PPP1CB: variants seen among roughly 807,000 people sequenced by gnomAD.
The protein encoded by PPP1CB is serine/threonine-protein phosphatase PP1-beta catalytic subunit.
PPP1CB carries 2 observed loss-of-function variants against 43.7 expected under a neutral mutation model. The ratio of observed to expected loss-of-function variants is 0.05; its 90% confidence interval spans 0.02 to 0.14. The LOEUF is 0.14. Among genes scored for constraint, PPP1CB ranks in the 10% least tolerant of loss-of-function variants. The probability of loss-of-function intolerance (pLI) is 1.00; values close to 1 mark genes in which losing one functional copy is unlikely to be tolerated. For missense variants in PPP1CB, 84 were observed against 398.0 expected, an observed-to-expected ratio of 0.21 and a Z score of 6.71; for synonymous variants, 136 against 135.6, an observed-to-expected ratio of 1.00 and a Z score of -0.02.
chr2:28,793,501 ATAAAAT>A (rs1667429986), intron 6 of PPP1CB, among the ~76,000 whole-genome samples: 4 of 152,316 alleles, frequency 2.6e-5, no homozygotes, highest in South Asian at 4.1e-4. Flanking sequence ...ATTAATTAAA[ATAAAAT>A]TAAATTTAAA....
At position 28,801,608 on chromosome 2, in the gene PPP1CB, G is replaced by A. The variant is rs777463462; in HGVS notation, c.*2305G>A. 6.6e-6 allele frequency: 1 copy of A among 152,020 alleles called. No homozygotes were observed. Among genetic ancestry groups the A allele is most frequent in the Non-Finnish European group, 1.5e-5 (1 of 67,990 alleles). The allele number at this position is 152,020 out of a possible 1,614,324, so 9.4% of individuals were successfully genotyped here. A position where few individuals can be genotyped will look rare whatever the true frequency, so the allele number is the denominator to read the frequency against. On this transcript the variant is annotated 3_prime_UTR_variant, in exon 8 of 8. Transcript: ENST00000395366. ...ATGTGTTCTTTACAAATATTTGCTTGGCAACACGACTTGAAATAAATAAAA... is the reference window on the plus strand; with the variant it reads ...ATGTGTTCTTTACAAATATTTGCTTAGCAACACGACTTGAAATAAATAAAA...
At chr2:28,793,729 C>A (rs1233488876) in intron 6 of PPP1CB, 134 bp from the exon 7 acceptor site, 24 of 887,524 alleles carry the variant, frequency 2.7e-5, no homozygotes, top group Non-Finnish European at 3.9e-5. Flanking sequence ...ATAAAAATCA[C>A]AACTTCCAAA....
intron 7 of PPP1CB, among the ~76,000 whole-genome samples, chr2:28,794,218 G>A (rs1264366419): frequency 2.0e-5 from 3 of 152,142 alleles, no homozygotes; most frequent in Non-Finnish European, 2.9e-5. Flanking sequence ...CCTAAGTTAC[G>A]TCAGTCATTC....
intron 3 of PPP1CB, 147 bp downstream of exon 3, chr2:28,779,186 C>T (rs1447637315): frequency 3.4e-6 from 2 of 589,188 alleles, no homozygotes; most frequent in South Asian, 2.5e-5. Context: ...AACTGGGAAA[C>T]ATGTTACTAA....
At chr2:28,789,972 T>C (rs919861117) in intron 6 of PPP1CB, among the ~76,000 whole-genome samples, 1 of 151,910 alleles carries the variant, frequency 6.6e-6, no homozygotes, top group Non-Finnish European at 1.5e-5. Flanking sequence ...AAAAAGTATT[T>C]TTGAGACCAT....
chr2:28,753,520 A>G (rs1666396535), intron 1 of PPP1CB, among the ~76,000 whole-genome samples: 1 of 152,192 alleles, frequency 6.6e-6, no homozygotes, highest in Non-Finnish European at 1.5e-5. Flanking sequence ...TTCCTTTACT[A>G]TCAAGTTATT....
intron 1 of PPP1CB, among the ~76,000 whole-genome samples, chr2:28,754,419 T>A (rs958961357): frequency 4.6e-5 from 7 of 152,094 alleles, no homozygotes; most frequent in East Asian, 1.9e-4. Flanking sequence ...CAAGTTGACC[T>A]CCTCCTTGCC....
chr2:28,764,614 A>G (rs1666740919), intron 1 of PPP1CB, among the ~76,000 whole-genome samples: 1 of 152,142 alleles, frequency 6.6e-6, no homozygotes, highest in Admixed American at 6.5e-5. Context: ...ATTAATTAGT[A>G]TGTAATCTTG....
At chr2:28,784,920 A>AG (rs1269781614) in intron 5 of PPP1CB, among the ~76,000 whole-genome samples, 1 of 119,352 alleles carries the variant, frequency 8.4e-6, no homozygotes, top group East Asian at 5.0e-4. Context: ...ACTGTCTCAA[A>AG]AAAAAAAAAA....
intron 1 of PPP1CB, among the ~76,000 whole-genome samples, chr2:28,768,287 T>C (rs1666827013): frequency 6.6e-6 from 1 of 152,132 alleles, no homozygotes; most frequent in Non-Finnish European, 1.5e-5. Context: ...AGTGACGGTC[T>C]CACTGGGCTA....
chr2:28,792,333 T>TC (rs1216508051), intron 6 of PPP1CB, among the ~76,000 whole-genome samples: 5 of 147,402 alleles, frequency 3.4e-5, no homozygotes, highest in Non-Finnish European at 4.5e-5. Flanking sequence ...AGAGCAAAAC[T>TC]CCATCTCGAA....
chr2:28,751,739 G>GGC, upstream of PPP1CB: 1 of 274,172 alleles, frequency 3.6e-6, no homozygotes, highest in Non-Finnish European at 7.0e-6. Flanking sequence ...CCGCGCGCCT[G>GGC]CGCGGAGAGC....
chr2:28,751,933 C>T lies in PPP1CB; in HGVS notation c.-192C>T, dbSNP rs1396445755. On this transcript the variant is annotated 5_prime_UTR_variant, in exon 1 of 8. Transcript: ENST00000395366. ...TTATTTATTTATTTTCCGTGGGTGCCTCCGAGTGTGCGCGCGCTCTCGCTA... is the reference window on the plus strand; with the variant it reads ...TTATTTATTTATTTTCCGTGGGTGCTTCCGAGTGTGCGCGCGCTCTCGCTA... 4.5e-5 allele frequency: 29 copies of T among 645,622 alleles called. No individual in the cohort carries two copies. Among genetic ancestry groups the T allele is most frequent in the Middle Eastern group, 6.6e-4 (2 of 3,050 alleles). The allele number at this position is 645,622 out of a possible 1,614,324, so 40.0% of individuals were successfully genotyped here. A position where few individuals can be genotyped will look rare whatever the true frequency, so the allele number is the denominator to read the frequency against.
At chr2:28,799,123 A>G (rs1667555845) in intron 7 of PPP1CB, 76 bp from the exon 8 acceptor site, 3 of 1,049,638 alleles carry the variant, frequency 2.9e-6, no homozygotes, top group Non-Finnish European at 4.2e-6. Flanking sequence ...CCATTTATTG[A>G]AAATCACAAT....
Position 28,760,897 on chromosome 2 carries a change from G to A in PPP1CB, c.52+8721G>A, listed in dbSNP as rs556349298. ...TTGAGCCAAACTAGCGAGACAAAAA[G>A]ACCAGACCTTTTCTTTTTTCCGAGA... On this transcript the variant is annotated intron_variant, in intron 1 of 7. Transcript: ENST00000395366. Among the ~76,000 whole-genome samples the A allele has an allele frequency of 2.6e-5, 4 of 152,192 alleles. No individual in the cohort carries two copies. The South Asian group carries it at 8.3e-4, about 32-fold the overall frequency.
intron 7 of PPP1CB, among the ~76,000 whole-genome samples, chr2:28,794,808 C>T (rs1303196070): frequency 2.0e-5 from 3 of 151,858 alleles, no homozygotes; most frequent in African/African-American, 4.8e-5. Context: ...CATTGTATAC[C>T]ATGTACGGGG....
At chr2:28,780,661 A>C (rs1667141015) in intron 3 of PPP1CB, among the ~76,000 whole-genome samples, 1 of 152,208 alleles carries the variant, frequency 6.6e-6, no homozygotes, top group Non-Finnish European at 1.5e-5. Context: ...CAGTGCTTTG[A>C]GTTATGTACT....
At chr2:28,765,213 C>T (rs1257090051) in intron 1 of PPP1CB, among the ~76,000 whole-genome samples, 2 of 152,158 alleles carry the variant, frequency 1.3e-5, no homozygotes, top group Non-Finnish European at 2.9e-5. Flanking sequence ...AGAGGATACA[C>T]ATTTTGCTTA....
intron 4 of PPP1CB, chr2:28,782,941 C>T (rs1667186314): frequency 2.0e-5 from 3 of 152,128 alleles, no homozygotes; most frequent in South Asian, 2.1e-4. Flanking sequence ...ACATTAAACA[C>T]GTAATGAATT....
Sources: allele counts gnomAD v4.1 joint callset (sites outside exome capture counted in the v4.1 genomes callset), GRCh38; gene constraint gnomAD v4.1.1; transcripts MANE v1.5; gene names NCBI Gene and HGNC (gene_info 2026-07-23, HGNC 2026-07-21).